IQANK1: variants seen among roughly 807,000 people sequenced by gnomAD.
IQANK1 encodes the protein IQ motif and ankyrin repeat containing 1, also known as IQ motif and ankyrin repeat domain-containing protein 1.
IQANK1 carries 30 observed loss-of-function variants against 22.6 expected under a neutral mutation model. The ratio of observed to expected loss-of-function variants is 1.33; its 90% CI spans 0.99 to 1.80. The LOEUF (loss-of-function observed/expected upper bound fraction) is 1.80, where lower values mean the gene tolerates loss of function less well. IQANK1 is among the 40% of genes most tolerant of loss of function. The probability of loss-of-function intolerance (pLI) is 0.00; values close to 1 mark genes in which losing one functional copy is unlikely to be tolerated. For missense variants in IQANK1, 275 were observed against 235.2 expected (o/e 1.17, Z -1.11); for synonymous variants, 122 against 99.6 (o/e 1.23, Z -1.34).
At chr8:143,746,888 A>G (rs1463657915) in intron 3 of IQANK1, among the ~76,000 whole-genome samples, 3 of 151,502 alleles carry the variant, frequency 2.0e-5, no homozygotes, top group Admixed American at 2.0e-4. Flanking sequence ...TATTTTATTT[A>G]TCTATTTATG....
intron 3 of IQANK1, among the ~76,000 whole-genome samples, chr8:143,749,163 TATC>T (rs1554627695): frequency 1.7e-5 from 2 of 116,620 alleles, no homozygotes; most frequent in Non-Finnish European, 3.1e-5. Flanking sequence ...TAAATGTATA[TATC>T]AATATATATA....
At chr8:143,778,462 C>A (rs1448576584) in intron 7 of IQANK1, among the ~76,000 whole-genome samples, 1 of 152,070 alleles carries the variant, frequency 6.6e-6, no homozygotes, top group Non-Finnish European at 1.5e-5. Flanking sequence ...ACATAAAAAT[C>A]CTAAATGTTC....
In IQANK1 at chr8:143,790,263, G is replaced by A. The variant is rs556764724; in HGVS notation, c.1416G>A (p.Gly472=). 13 of 1,232,180 alleles carry A rather than the reference G, an allele frequency of 1.1e-5. No individual in the cohort carries two copies. The East Asian group carries it at 2.8e-4, about 27-fold the overall frequency. 76.3% of individuals were successfully genotyped at this position (1,232,180 alleles called of 1,614,324 possible). The change falls in exon 13 of 14, where the codon GGG becomes GGA. Residue 472 remains glycine, a synonymous_variant. Transcript: ENST00000527139. The part of the protein sequence containing the change: ...RPETMWLALL[G]ALRYGKPLVF... ...AGACGATGTGGCTGGCTCTGCTGGG[G>A]GCTCTGCGGTGAGGCAGGCAGGGTG...
intron 3 of IQANK1, among the ~76,000 whole-genome samples, chr8:143,746,712 A>T (rs1392684513): frequency 6.6e-6 from 1 of 151,964 alleles, no homozygotes; most frequent in Non-Finnish European, 1.5e-5. Flanking sequence ...TTACTGATTT[A>T]ATCTCCTTGC....
chr8:143,772,626 G>C (rs1045828625), intron 7 of IQANK1, 144 bp downstream of exon 7: 1 of 395,972 alleles, frequency 2.5e-6, no homozygotes, highest in Non-Finnish European at 4.4e-6. Flanking sequence ...TCACCCGACC[G>C]GCTGTCTCTG....
At chr8:143,749,588 T>A (rs1819147297) in intron 3 of IQANK1, among the ~76,000 whole-genome samples, 2 of 80,264 alleles carry the variant, frequency 2.5e-5, no homozygotes, top group South Asian at 7.3e-4. Flanking sequence ...ATATATTTTA[T>A]TTATTTATTT....
chr8:143,751,556 GAGCCAAGATC>G (rs1221888986), intron 3 of IQANK1, among the ~76,000 whole-genome samples: 1 of 149,490 alleles, frequency 6.7e-6, no homozygotes, highest in Admixed American at 6.7e-5. Flanking sequence ...AGGTGGCAGT[GAGCCAAGATC>G]ATGCCATTTC....
chr8:143,734,467 C>T (rs897818752), intron 1 of IQANK1, among the ~76,000 whole-genome samples: 25 of 151,148 alleles, frequency 1.7e-4, no homozygotes, highest in Admixed American at 1.4e-3. Context: ...TTGTAGGGGA[C>T]TCTGCCGCAG....
At chr8:143,759,263 A>C (rs782495346) in intron 3 of IQANK1, 11 of 175,600 alleles carry the variant, frequency 6.3e-5, no homozygotes, top group Non-Finnish European at 1.2e-4. Flanking sequence ...TCCTCTCGCA[A>C]ACATAGCCTG....
chr8:143,770,785 C>G (rs1394246785), intron 3 of IQANK1, among the ~76,000 whole-genome samples: 3 of 152,268 alleles, frequency 2.0e-5, no homozygotes, highest in Non-Finnish European at 4.4e-5. Flanking sequence ...GCCACAAGCG[C>G]CCCATTGCTG....
At chr8:143,740,096 G>C in intron 3 of IQANK1, 148 bp downstream of exon 3, 1 of 523,738 alleles carries the variant, frequency 1.9e-6, no homozygotes, top group Non-Finnish European at 3.4e-6. Flanking sequence ...GAGTGCGCGT[G>C]TACGCGCACC....
intron 3 of IQANK1, among the ~76,000 whole-genome samples, chr8:143,750,839 T>A (rs1003776291): frequency 2.6e-5 from 4 of 152,074 alleles, no homozygotes; most frequent in Admixed American, 2.6e-4. Flanking sequence ...AAAATAAAAT[T>A]AATAATTACT....
intron 3 of IQANK1, chr8:143,742,402 C>T (rs1554626670): frequency 2.2e-6 from 1 of 456,072 alleles, no homozygotes; most frequent in East Asian, 6.9e-5. Context: ...CCTTTCCCAG[C>T]CTTTCCTCTG....
intron 6 of IQANK1, 33 bp downstream of exon 6, chr8:143,772,276 A>G (rs2129910138): frequency 2.5e-6 from 1 of 397,594 alleles, no homozygotes; most frequent in Non-Finnish European, 4.4e-6. Context: ...CGCCGCGCTG[A>G]GGGGCGCGGT....
chr8:143,744,115 A>AGCCACCAGGCCTGG (rs1215574500), intron 3 of IQANK1: 5 of 214,172 alleles, frequency 2.3e-5, no homozygotes, highest in African/African-American at 4.8e-5. Context: ...TACAGGCGTG[A>AGCCACCAGGCCTGG]GCCACCAGGC....
chr8:143,778,621 G>A (rs1554630701), intron 7 of IQANK1, among the ~76,000 whole-genome samples: 1 of 152,208 alleles, frequency 6.6e-6, no homozygotes, highest in South Asian at 2.1e-4. Flanking sequence ...TATCAGCGAT[G>A]ATACCGAAGA....
Position 143,751,664 on chromosome 8 carries a change from GTA to G in IQANK1, c.175+11729_175+11730del, listed in dbSNP as rs71318622. Reference sequence around the variant, plus strand: ...TGTGTGTGTGTGTGTGTGTGTGTGTGTATATATATATATAAAATCCTATACAA... The same window carrying G: ...TGTGTGTGTGTGTGTGTGTGTGTGTGTATATATATATAAAATCCTATACAA... On this transcript the variant is annotated intron_variant, in intron 3 of 13. Coordinates refer to ENST00000527139, the MANE Select transcript of IQANK1 (RefSeq NM_001381874.1). Among the ~76,000 whole-genome samples the G allele has an allele frequency of 1.1e-3, 67 of 61,550 alleles. 2 individuals carry two copies. Among genetic ancestry groups the G allele is most frequent in the African/African-American group, 2.8e-3 (65 of 22,862 alleles). 40.4% of individuals were successfully genotyped at this position (61,550 alleles called of 152,430 possible). A position where few individuals can be genotyped will look rare whatever the true frequency, so the allele number is the denominator to read the frequency against.
chr8:143,786,906 G>A (rs1285570601), intron 7 of IQANK1, among the ~76,000 whole-genome samples: 1 of 152,222 alleles, frequency 6.6e-6, no homozygotes, highest in Admixed American at 6.5e-5. Context: ...TGGCTGCCAG[G>A]GAATGAGGCA....
At chr8:143,778,910 C>T (rs1042065818) in intron 7 of IQANK1, among the ~76,000 whole-genome samples, 12 of 152,064 alleles carry the variant, frequency 7.9e-5, no homozygotes, top group South Asian at 2.1e-4. Context: ...TACAGGCATG[C>T]GCCACCACGC....
Sources: allele counts gnomAD v4.1 joint callset (sites outside exome capture counted in the v4.1 genomes callset), GRCh38; gene constraint gnomAD v4.1.1; transcripts MANE v1.5; gene names NCBI Gene and HGNC (gene_info 2026-07-23, HGNC 2026-07-21).